The following EYA1 variants were observed in gnomAD, a reference collection of about 807,000 sequenced individuals.
The protein encoded by EYA1 is protein phosphatase EYA1.
In EYA1, 16 loss-of-function variants were observed where a neutral mutation model predicts 82.0. The ratio of observed to expected loss-of-function variants is 0.20; its 90% confidence interval spans 0.13 to 0.30. The LOEUF is 0.30. EYA1 is among the 10% of genes least tolerant of loss of function. The probability of loss-of-function intolerance (pLI) is 1.00; values close to 1 mark genes in which losing one functional copy is unlikely to be tolerated. For synonymous variants in EYA1, 261 were observed against 264.4 expected (o/e 0.99, Z 0.12); for missense variants, 633 against 730.7 (o/e 0.87, Z 1.54).
In EYA1 at chr8:71,237,331, C is replaced by T. The variant is rs191646989; in HGVS notation, c.1140+7272G>A. On this transcript the variant is annotated intron_variant, in intron 12 of 17. Coordinates refer to ENST00000340726, the MANE Select transcript of EYA1 (RefSeq NM_000503.6). ...ATTAGAAGTGAAATCCAACATTTTT[C>T]GTCTGTAGCTTGATAATTTGAATGC... Among the ~76,000 whole-genome samples, 31 of 152,208 alleles carry T rather than the reference C, an allele frequency of 2.0e-4. No individual in the cohort carries two copies. In the East Asian group the frequency reaches 2.7e-3, roughly 13 times the overall value.
intron 2 of EYA1, among the ~76,000 whole-genome samples, chr8:71,469,174 A>AT (rs1281379077): frequency 6.6e-6 from 1 of 152,060 alleles, no homozygotes. Flanking sequence ...AGTAAAAAAA[A>AT]AATCTGTCCT....
intron 3 of EYA1, among the ~76,000 whole-genome samples, chr8:71,354,075 A>G (rs1468827754): frequency 6.6e-6 from 1 of 152,132 alleles, no homozygotes; most frequent in Non-Finnish European, 1.5e-5. Flanking sequence ...ATATAACCTT[A>G]TATGTTTAAT....
At chr8:71,394,965 C>T (rs1047674691) in intron 2 of EYA1, among the ~76,000 whole-genome samples, 32 of 152,060 alleles carry the variant, frequency 2.1e-4, no homozygotes, top group Admixed American at 1.7e-3. Flanking sequence ...TCTTTTATTT[C>T]GTTGAGCAGT....
At position 71,273,561 on chromosome 8, in the gene EYA1, T is replaced by C. The variant is rs80186785; in HGVS notation, c.827-1664A>G. ...GTAGAATTTTAAGTAGTCAAGTGGA[T>C]TCAAAGCTGTTCTTTGAGGAAAAAG... On this transcript the variant is annotated intron_variant, in intron 9 of 17. Coordinates refer to ENST00000340726, the MANE Select transcript of EYA1 (RefSeq NM_000503.6). Among the ~76,000 whole-genome samples, 399 of 152,342 alleles carry C rather than the reference T, an allele frequency of 2.6e-3. 1 individual carries two copies. The highest frequency in any genetic ancestry group is 9.2e-3 in the African/African-American group (381 of 41,578).
At chr8:71,446,685 A>G (rs1406819139) in intron 2 of EYA1, among the ~76,000 whole-genome samples, 1 of 152,120 alleles carries the variant, frequency 6.6e-6, no homozygotes, top group Non-Finnish European at 1.5e-5. Flanking sequence ...TCATCTTTTG[A>G]ATTATTGCAA....
upstream of EYA1, chr8:71,362,164 T>TTC (rs1219046580): frequency 4.1e-6 from 4 of 976,398 alleles, no homozygotes; most frequent in Non-Finnish European, 4.8e-6. Flanking sequence ...TCTTTTTTTT[T>TTC]TTTTTTTTTT....
chr8:71,423,898 G>C (rs1831279844), intron 2 of EYA1, among the ~76,000 whole-genome samples: 1 of 152,350 alleles, frequency 6.6e-6, no homozygotes, highest in Middle Eastern at 3.4e-3. Flanking sequence ...GTCTTGGATA[G>C]ATGGTTAGGA....
intron 2 of EYA1, among the ~76,000 whole-genome samples, chr8:71,401,511 G>T (rs1337876448): frequency 6.6e-6 from 1 of 152,082 alleles, no homozygotes; most frequent in Non-Finnish European, 1.5e-5. Context: ...CTTTTCCTCT[G>T]AAACATATTA....
At chr8:71,506,240 A>T (rs1812182691) in intron 2 of EYA1, among the ~76,000 whole-genome samples, 1 of 152,240 alleles carries the variant, frequency 6.6e-6, no homozygotes, top group African/African-American at 2.4e-5. Flanking sequence ...CTGCCCCACT[A>T]TGATGAGAAA....
chr8:71,233,293 G>A (rs558390486), intron 12 of EYA1, among the ~76,000 whole-genome samples: 11 of 151,918 alleles, frequency 7.2e-5, no homozygotes, highest in Admixed American at 2.6e-4. Flanking sequence ...TGCCGGGTGC[G>A]GTGGCTCATG....
At chr8:71,419,478 A>G (rs1238429854) in intron 2 of EYA1, among the ~76,000 whole-genome samples, 1 of 152,136 alleles carries the variant, frequency 6.6e-6, no homozygotes, top group East Asian at 1.9e-4. Context: ...CCCCTTTGAG[A>G]CACTCAATTT....
intron 2 of EYA1, among the ~76,000 whole-genome samples, chr8:71,533,508 A>G (rs1814458258): frequency 6.6e-6 from 1 of 152,212 alleles, no homozygotes; most frequent in Non-Finnish European, 1.5e-5. Flanking sequence ...ATACTGGTCC[A>G]GGACTCTTTT....
chr8:71,482,261 C>T (rs1201615875), intron 2 of EYA1, among the ~76,000 whole-genome samples: 1 of 152,116 alleles, frequency 6.6e-6, no homozygotes, highest in Non-Finnish European at 1.5e-5. Context: ...CCACAAAAGG[C>T]TATTCAAATG....
At chr8:71,231,936 C>G (rs924421383) in intron 12 of EYA1, among the ~76,000 whole-genome samples, 1 of 152,208 alleles carries the variant, frequency 6.6e-6, no homozygotes, top group Non-Finnish European at 1.5e-5. Context: ...AAGCCCCATC[C>G]AGTTATTAGG....
intron 12 of EYA1, chr8:71,225,298 C>T: frequency 2.2e-6 from 1 of 456,212 alleles, no homozygotes; most frequent in Non-Finnish European, 4.4e-6. Context: ...TCTGGAAGCC[C>T]TTGACTCCTG....
intron 2 of EYA1, among the ~76,000 whole-genome samples, chr8:71,435,495 G>A (rs753290381): frequency 4.6e-5 from 7 of 151,770 alleles, no homozygotes; most frequent in African/African-American, 9.7e-5. Flanking sequence ...GTTTGTCTTC[G>A]GGATAAAAAT....
intron 11 of EYA1, among the ~76,000 whole-genome samples, chr8:71,259,274 C>A (rs1047505566): frequency 1.3e-5 from 2 of 152,148 alleles, no homozygotes; most frequent in African/African-American, 4.8e-5. Context: ...GATGCCCGCC[C>A]ACCACAGTTC....
chr8:71,434,996 T>C (rs575205618), intron 2 of EYA1, among the ~76,000 whole-genome samples: 3 of 152,222 alleles, frequency 2.0e-5, no homozygotes, highest in Admixed American at 6.5e-5. Flanking sequence ...TGCACACACC[T>C]ACATGGTTTC....
At chr8:71,353,973 T>A (rs1826576411) in intron 3 of EYA1, among the ~76,000 whole-genome samples, 1 of 152,158 alleles carries the variant, frequency 6.6e-6, no homozygotes, top group South Asian at 2.1e-4. Flanking sequence ...TAGAAATAAA[T>A]ATAATGCAAT....
Sources: gnomAD v4.1 joint callset for allele counts (sites outside exome capture counted in the v4.1 genomes callset) on GRCh38, gnomAD v4.1.1 for gene constraint, MANE v1.5 for transcripts, NCBI Gene and HGNC (gene_info 2026-07-23, HGNC 2026-07-21) for gene names.